Variants in ARNT2 observed in about 807,000 individuals in gnomAD.
The protein encoded by ARNT2 is aryl hydrocarbon receptor nuclear translocator 2, also known as ARNT protein 2.
ARNT2 carries 36 observed loss-of-function variants against 91.7 expected under a neutral mutation model. The observed-to-expected ratio is 0.39, with a 90% CI of 0.30 to 0.52. The LOEUF is 0.52. Among genes scored for constraint, ARNT2 ranks in the 20% least tolerant of loss-of-function variants. The pLI is 0.72. For synonymous variants in ARNT2, 365 were observed against 347.1 expected (o/e 1.05, Z -0.57); for missense variants, 775 against 939.3 (o/e 0.83, Z 2.29).
chr15:80,552,770 C>A lies in ARNT2; in HGVS notation c.1085C>A (p.Pro362His). 6.2e-7 allele frequency: 1 copy of A among 1,613,766 alleles called. No homozygotes were observed. The highest frequency in any genetic ancestry group is 1.3e-5 in the African/African-American group (1 of 75,020). The change falls in exon 10 of 19, where the codon CCC becomes CAC. Residue 362 changes from proline to histidine, a missense_variant. Physicochemically the swap from Pro to His is moderately conservative, Grantham distance 77. This residue lies in a region of ARNT2 where 285 missense variants were observed against 327.2 expected (regional missense o/e 0.87). Transcript: ENST00000303329. ...TGTATCAGTGTGATTGGCTACCAAC[C>A]CCAGGTGAGTAGATAGTTTTGAGCC... ...PRCISVIGYQ[P>H]QDLLGKDILE...
intron 1 of ARNT2, among the ~76,000 whole-genome samples, chr15:80,408,812 A>T (rs145340330): frequency 4.1e-4 from 62 of 152,362 alleles, no homozygotes; most frequent in Non-Finnish European, 1.2e-4. Flanking sequence ...AAAAGAAAGA[A>T]AAAAAGGAAG....
chr15:80,508,013 G>T, intron 5 of ARNT2, 143 bp from the exon 6 acceptor site: 1 of 700,450 alleles, frequency 1.4e-6, no homozygotes, highest in Non-Finnish European at 2.4e-6. Context: ...AAAGAATGTT[G>T]GGAATTCCAA....
In ARNT2 at chr15:80,479,654, G is replaced by T. The variant is rs187280963; in HGVS notation, c.622+4431G>T. On this transcript the variant is annotated intron_variant, in intron 5 of 18. Transcript: ENST00000303329. The stretch of plus-strand genomic sequence containing the variant: ...TTTGTTCAAGGCCTCATCCACCAAT[G>T]TATGAAATGGAGGCAGATTGGAGGA... Among the ~76,000 whole-genome samples the T allele has an allele frequency of 1.1e-3, 161 of 152,282 alleles. 1 individual carries two copies. Among genetic ancestry groups the T allele is most frequent in the African/African-American group, 3.8e-3 (157 of 41,538 alleles).
rs182297432 is a variant in ARNT2, at chr15:80,483,651, C to T, written c.622+8428C>T. ...TTGCAGGTTCAGCAGGCGGCATCCT[C>T]CACTGTGGAACAGGAGAGCGAGGAG... On this transcript the variant is annotated intron_variant, in intron 5 of 18. Transcript: ENST00000303329. Among the ~76,000 whole-genome samples the T allele has an allele frequency of 4.3e-3, 653 of 152,308 alleles. 6 individuals carry two copies. Among genetic ancestry groups the T allele is most frequent in the Middle Eastern group, 0.014 (4 of 294 alleles).
rs1555455006 is a variant in ARNT2, at chr15:80,425,725, T to TTG, written c.31+21180_31+21181insGT. Among the ~76,000 whole-genome samples the TTG allele has an allele frequency of 3.8e-3, 573 of 152,124 alleles. 3 individuals carry two copies. Among genetic ancestry groups the TTG allele is most frequent in the African/African-American group, 0.013 (539 of 41,466 alleles). ...TCCACCTGTTTTGGAGTGTTTTTTTTTTGTTGTTTGTTTGTTTGTTTTGAA... is the reference window on the plus strand; with the variant it reads ...TCCACCTGTTTTGGAGTGTTTTTTTTTGTTGTTGTTTGTTTGTTTGTTTTGAA... On this transcript the variant is annotated intron_variant, in intron 1 of 18. Transcript: ENST00000303329.
At chr15:80,437,237 C>G (rs998876054) in intron 1 of ARNT2, among the ~76,000 whole-genome samples, 1 of 152,192 alleles carries the variant, frequency 6.6e-6, no homozygotes, top group African/African-American at 2.4e-5. Flanking sequence ...AGGAACTGCA[C>G]GCTCGTCAGG....
chr15:80,466,658 C>T (rs1291887153), intron 3 of ARNT2, among the ~76,000 whole-genome samples: 1 of 152,224 alleles, frequency 6.6e-6, no homozygotes, highest in Non-Finnish European at 1.5e-5. Flanking sequence ...ATGGCATCAT[C>T]CCCGCTGCCT....
chr15:80,482,315 T>C (rs1292883395), intron 5 of ARNT2, among the ~76,000 whole-genome samples: 2 of 152,180 alleles, frequency 1.3e-5, no homozygotes, highest in East Asian at 1.9e-4. Flanking sequence ...TTGCCCAGGA[T>C]TGGGGAAGGG....
chr15:80,450,208 A>G (rs1896365483), intron 1 of ARNT2, among the ~76,000 whole-genome samples: 1 of 152,248 alleles, frequency 6.6e-6, no homozygotes, highest in Non-Finnish European at 1.5e-5. Context: ...ATTTAGTAAT[A>G]GACCTTCTTA....
At chr15:80,420,590 GA>G (rs1414979434) in intron 1 of ARNT2, among the ~76,000 whole-genome samples, 20 of 151,576 alleles carry the variant, frequency 1.3e-4, no homozygotes, top group Middle Eastern at 3.4e-3. Context: ...TATATATTAT[GA>G]ACATATGAAT....
At chr15:80,500,758 ATGT>A (rs1471161424) in intron 5 of ARNT2, among the ~76,000 whole-genome samples, 1 of 152,212 alleles carries the variant, frequency 6.6e-6, no homozygotes, top group African/African-American at 2.4e-5. Context: ...TTTGTGGGCC[ATGT>A]TGTGTTTGTT....
intron 17 of ARNT2, among the ~76,000 whole-genome samples, chr15:80,586,024 T>C (rs1443063169): frequency 6.6e-6 from 1 of 152,194 alleles, no homozygotes; most frequent in African/African-American, 2.4e-5. Flanking sequence ...AGGCAATAAA[T>C]TGATAACTGG....
At chr15:80,417,667 AC>A (rs1895806597) in intron 1 of ARNT2, among the ~76,000 whole-genome samples, 1 of 138,324 alleles carries the variant, frequency 7.2e-6, no homozygotes, top group Admixed American at 7.4e-5. Flanking sequence ...CTTCTCCCCA[AC>A]CCCCTCCCTT....
intron 11 of ARNT2, chr15:80,556,886 G>C (rs1307190889): frequency 1.3e-5 from 2 of 152,152 alleles, no homozygotes; most frequent in African/African-American, 2.4e-5. Context: ...AGGTGAGAGA[G>C]AGAACACACC....
rs7172733 is a variant in ARNT2 at position 80,594,143 on chromosome 15, G to A, written c.*445G>A. The A allele has an allele frequency of 0.15, 23,344 of 160,074 alleles. 2,352 individuals carry two copies. Among genetic ancestry groups the A allele is most frequent in the African/African-American group, 0.28 (11,746 of 41,696 alleles). The allele number at this position is 160,074 out of a possible 1,614,324, so 9.9% of individuals were successfully genotyped here. ...GCATGGGGCTCTGGGGGAATGCTGG[G>A]AAAATGGGCAAGCAGAGTGCACAGC... On this transcript the variant is annotated 3_prime_UTR_variant, in exon 19 of 19. Coordinates refer to ENST00000303329, the MANE Select transcript of ARNT2 (RefSeq NM_014862.4).
chr15:80,421,982 G>A (rs1025489050), intron 1 of ARNT2, among the ~76,000 whole-genome samples: 1 of 152,168 alleles, frequency 6.6e-6, no homozygotes, highest in East Asian at 1.9e-4. Flanking sequence ...GATGAATAGA[G>A]AATTAATGAC....
chr15:80,415,069 C>A (rs1160939064), intron 1 of ARNT2, among the ~76,000 whole-genome samples: 1 of 152,210 alleles, frequency 6.6e-6, no homozygotes, highest in Non-Finnish European at 1.5e-5. Context: ...AGGAAAGATG[C>A]TGAAGACTGT....
At chr15:80,503,396 G>C (rs770404637) in intron 5 of ARNT2, among the ~76,000 whole-genome samples, 1 of 152,178 alleles carries the variant, frequency 6.6e-6, no homozygotes, top group Admixed American at 6.5e-5. Flanking sequence ...CCTGAAGAGC[G>C]GCTTCATTGT....
chr15:80,496,838 A>T (rs78292195), intron 5 of ARNT2, among the ~76,000 whole-genome samples: 3,005 of 152,288 alleles, frequency 0.02, 85 homozygotes, highest in African/African-American at 0.068. Flanking sequence ...GAAAAGAGAG[A>T]TACATGGAGC....
Sources: allele counts gnomAD v4.1 joint callset (sites outside exome capture counted in the v4.1 genomes callset), GRCh38; gene constraint gnomAD v4.1.1; regional missense constraint gnomAD v4.1.1; transcripts MANE v1.5; gene names NCBI Gene and HGNC (gene_info 2026-07-23, HGNC 2026-07-21).